CDH4: variants seen among roughly 807,000 people sequenced by gnomAD.
The protein encoded by CDH4 is cadherin-4.
A neutral mutation model predicts 86.0 loss-of-function variants in CDH4; 33 were observed. That is an observed-to-expected ratio of 0.38 (90% confidence interval 0.29 to 0.51). CDH4 has a LOEUF of 0.51. Among genes scored for constraint, CDH4 ranks in the 20% least tolerant of loss-of-function variants. CDH4 has a pLI of 0.86. For synonymous variants in CDH4, 555 were observed against 549.4 expected (o/e 1.01, Z -0.14); for missense variants, 1,114 against 1,307.4 (o/e 0.85, Z 2.28).
intron 2 of CDH4, among the ~76,000 whole-genome samples, chr20:61,670,547 G>A (rs2087375186): frequency 6.6e-6 from 1 of 152,202 alleles, no homozygotes; most frequent in Non-Finnish European, 1.5e-5. Flanking sequence ...CCGAATACTG[G>A]AGGTACCATT....
At chr20:61,562,874 G>T (rs1035702982) in intron 2 of CDH4, among the ~76,000 whole-genome samples, 1 of 152,170 alleles carries the variant, frequency 6.6e-6, no homozygotes, top group Non-Finnish European at 1.5e-5. Flanking sequence ...GTCCTGTCCG[G>T]GACCCCAGTC....
At chr20:61,649,302 G>A (rs559237066) in intron 2 of CDH4, among the ~76,000 whole-genome samples, 1 of 152,346 alleles carries the variant, frequency 6.6e-6, no homozygotes, top group Non-Finnish European at 1.5e-5. Flanking sequence ...GTCAAGAGGA[G>A]CACGTCTGGC....
At chr20:61,694,218 AG>A (rs2087692401) in intron 2 of CDH4, among the ~76,000 whole-genome samples, 1 of 152,154 alleles carries the variant, frequency 6.6e-6, no homozygotes, top group African/African-American at 2.4e-5. Context: ...CTAAACGTGC[AG>A]GGTGTCGGGA....
At chr20:61,265,565 A>G (rs181306390) in intron 2 of CDH4, among the ~76,000 whole-genome samples, 33 of 150,192 alleles carry the variant, frequency 2.2e-4, no homozygotes, top group Admixed American at 1.3e-4. Flanking sequence ...CCTTCACTCA[A>G]TCTTACACGG....
intron 2 of CDH4, among the ~76,000 whole-genome samples, chr20:61,737,851 G>C (rs1370178075): frequency 6.6e-6 from 1 of 152,200 alleles, no homozygotes; most frequent in Non-Finnish European, 1.5e-5. Context: ...TGTGCTCAGA[G>C]AGGGACCACC....
At chr20:61,897,607 G>A (rs1447704800) in intron 8 of CDH4, among the ~76,000 whole-genome samples, 2 of 152,180 alleles carry the variant, frequency 1.3e-5, no homozygotes, top group African/African-American at 4.8e-5. Context: ...AGCTACCCTC[G>A]CCGCAACTGC....
At chr20:61,742,236 G>C (rs1267350573) in intron 2 of CDH4, among the ~76,000 whole-genome samples, 1 of 152,174 alleles carries the variant, frequency 6.6e-6, no homozygotes, top group Non-Finnish European at 1.5e-5. Context: ...CCACCGGGGG[G>C]CTCTGGAGTC....
Position 61,401,119 on chromosome 20 carries a change from G to A in CDH4, c.169+146182G>A, listed in dbSNP as rs530256676. Among the ~76,000 whole-genome samples the A allele has an allele frequency of 3.3e-5, 5 of 152,294 alleles. No homozygotes were observed. In the South Asian group the frequency reaches 8.3e-4, roughly 25 times the overall value. ...GCCTCATGCTCATCACTGGGCAGAC[G>A]TACTGTCCTTGGCAGACTCTGAAGT... On this transcript the variant is annotated intron_variant, in intron 2 of 15. Transcript: ENST00000614565.
intron 2 of CDH4, among the ~76,000 whole-genome samples, chr20:61,525,447 A>G (rs2085902941): frequency 6.6e-6 from 1 of 152,114 alleles, no homozygotes; most frequent in Non-Finnish European, 1.5e-5. Context: ...CTCCCAGGAT[A>G]CTGAGGATGC....
chr20:61,568,525 T>C (rs1020850807), intron 2 of CDH4, among the ~76,000 whole-genome samples: 1 of 152,246 alleles, frequency 6.6e-6, no homozygotes, highest in Non-Finnish European at 1.5e-5. Context: ...GCGTGGGAAC[T>C]GACTAGCGCA....
At chr20:61,530,896 G>C (rs1267418809) in intron 2 of CDH4, among the ~76,000 whole-genome samples, 2 of 152,154 alleles carry the variant, frequency 1.3e-5, no homozygotes, top group African/African-American at 4.8e-5. Flanking sequence ...GGGAGGAGGT[G>C]CTGAATACGT....
chr20:61,414,235 G>A (rs763516435), intron 2 of CDH4, among the ~76,000 whole-genome samples: 20 of 152,246 alleles, frequency 1.3e-4, no homozygotes, highest in African/African-American at 2.4e-4. Context: ...CCCATGTAAC[G>A]TGGGTTTCCC....
Position 61,679,195 on chromosome 20 carries a change from C to A in CDH4, c.170-64368C>A, listed in dbSNP as rs558413562. 1.1e-3 allele frequency among the ~76,000 whole-genome samples: 162 copies of A among 152,306 alleles called. 2 individuals carry two copies. The highest frequency in any genetic ancestry group is 3.7e-3 in the African/African-American group (155 of 41,568). Reference sequence around the variant, plus strand: ...TTTGCAGTTCACACTCAGCGTCCACCTTCCATCTCTGTCTCCTCATGGCCT... The same window carrying A: ...TTTGCAGTTCACACTCAGCGTCCACATTCCATCTCTGTCTCCTCATGGCCT... On this transcript the variant is annotated intron_variant, in intron 2 of 15. Coordinates refer to ENST00000614565, the MANE Select transcript of CDH4 (RefSeq NM_001794.5).
intron 4 of CDH4, among the ~76,000 whole-genome samples, chr20:61,815,946 T>C (rs1980692841): frequency 6.6e-6 from 1 of 152,180 alleles, no homozygotes; most frequent in South Asian, 2.1e-4. Context: ...TCTCTCAATT[T>C]ACAAAAGAAG....
rs1285821634 is a variant in CDH4, at chr20:61,516,022, C to T, written c.170-227541C>T. 6.6e-6 allele frequency among the ~76,000 whole-genome samples: 1 copy of T among 152,128 alleles called. No homozygotes were observed. Among genetic ancestry groups the T allele is most frequent in the Non-Finnish European group, 1.5e-5 (1 of 68,028 alleles). On this transcript the variant is annotated intron_variant, in intron 2 of 15. Transcript: ENST00000614565. This position sits in a 1 kb window ranked among gnomAD's most constrained non-coding sequence, Gnocchi z 4.0. ...CAGAACTTCTCCAGCCCCATCTTCC[C>T]CTGGGCTCTGGAACGCCCCCCCAAT...
chr20:61,399,555 C>G (rs1316928068), intron 2 of CDH4, among the ~76,000 whole-genome samples: 2 of 152,222 alleles, frequency 1.3e-5, no homozygotes, highest in African/African-American at 4.8e-5. Context: ...CCAGGCCTGG[C>G]TCAGCCTTTG....
intron 2 of CDH4, among the ~76,000 whole-genome samples, chr20:61,522,814 G>T (rs1157904623): frequency 6.6e-6 from 1 of 152,198 alleles, no homozygotes; most frequent in Non-Finnish European, 1.5e-5. Flanking sequence ...CTCTCCCTTC[G>T]GTTTTTTATT....
At chr20:61,792,310 G>A (rs1279525618) in intron 4 of CDH4, among the ~76,000 whole-genome samples, 1 of 152,110 alleles carries the variant, frequency 6.6e-6, no homozygotes, top group African/African-American at 2.4e-5. Context: ...CTCAGGAGGT[G>A]CCCACGTGTG....
chr20:61,710,218 T>G (rs2087875253), intron 2 of CDH4, among the ~76,000 whole-genome samples: 1 of 152,206 alleles, frequency 6.6e-6, no homozygotes, highest in Non-Finnish European at 1.5e-5. Flanking sequence ...CAGAGAACTT[T>G]CCAGAAAAAC....
Sources: allele counts gnomAD v4.1 joint callset (sites outside exome capture counted in the v4.1 genomes callset), GRCh38; gene constraint gnomAD v4.1.1; non-coding constraint Gnocchi (gnomAD v3.1); transcripts MANE v1.5; gene names NCBI Gene and HGNC (gene_info 2026-07-23, HGNC 2026-07-21).